Variants in XRN1 observed in about 807,000 individuals in gnomAD.
The protein encoded by XRN1 is strand-exchange protein 1 homolog.
In XRN1, 67 loss-of-function variants were observed where a neutral mutation model predicts 222.3. The ratio of observed to expected loss-of-function variants is 0.30; its 90% CI spans 0.25 to 0.37. The LOEUF (loss-of-function observed/expected upper bound fraction) is 0.37, where lower values mean the gene tolerates loss of function less well. XRN1 is among the 10% of genes least tolerant of loss of function. The probability of loss-of-function intolerance (pLI) is 1.00; values close to 1 mark genes in which losing one functional copy is unlikely to be tolerated. For missense variants in XRN1, 1,707 were observed against 2,000.2 expected (o/e 0.85, Z 2.80); for synonymous variants, 643 against 652.4 (o/e 0.99, Z 0.22).
Position 142,418,530 on chromosome 3 carries a change from C to T in XRN1, c.1320G>A (p.Thr440=), listed in dbSNP as rs763727624. 8.1e-6 allele frequency: 13 copies of T among 1,611,370 alleles called. No individual in the cohort carries two copies. The highest frequency in any genetic ancestry group is 6.7e-5 in the Admixed American group (4 of 59,572). The change falls in exon 12 of 41, where the codon ACG becomes ACA. Residue 440 remains threonine (T), a synonymous_variant. Transcript: ENST00000392981. ...CAGATACTACGTCAACCCCCATCTT[C>T]GTCATGTAATATGTTCTTTTATATT... is the stretch of plus-strand genomic sequence containing the variant. ...FRQYKRTYYM[T]KMGVDVVSDD... is the part of the protein sequence containing the mutation.
At chr3:142,351,445 G>T (rs2066302782) in intron 32 of XRN1, among the ~76,000 whole-genome samples, 1 of 152,154 alleles carries the variant, frequency 6.6e-6, no homozygotes, top group South Asian at 2.1e-4. Context: ...GCACACAAAG[G>T]TCATTGGGAA....
At chr3:142,335,114 T>C (rs1157645004) in intron 34 of XRN1, among the ~76,000 whole-genome samples, 1 of 152,040 alleles carries the variant, frequency 6.6e-6, no homozygotes, top group Admixed American at 6.6e-5. Context: ...GTGCTAGGAT[T>C]ACAGGCATGA....
At chr3:142,333,610 C>T (rs558101761) in intron 34 of XRN1, among the ~76,000 whole-genome samples, 4 of 152,168 alleles carry the variant, frequency 2.6e-5, no homozygotes, top group South Asian at 2.1e-4. Context: ...TTTGTATTCC[C>T]CCAAAATTCT....
At chr3:142,400,786 G>A (rs971613859) in intron 18 of XRN1, among the ~76,000 whole-genome samples, 4 of 152,084 alleles carry the variant, frequency 2.6e-5, no homozygotes, top group African/African-American at 9.7e-5. Context: ...AGGTGTGGTG[G>A]CACACGCAGT....
chr3:142,398,485 G>C (rs1316411650), intron 19 of XRN1, among the ~76,000 whole-genome samples: 1 of 151,658 alleles, frequency 6.6e-6, no homozygotes, highest in Admixed American at 6.6e-5. Flanking sequence ...TCCTGCCTCA[G>C]TCTCTTGAGA....
intron 20 of XRN1, among the ~76,000 whole-genome samples, chr3:142,387,654 A>G (rs1486064535): frequency 2.0e-5 from 3 of 152,164 alleles, no homozygotes; most frequent in Non-Finnish European, 4.4e-5. Flanking sequence ...AAAAATGTAT[A>G]TATCTACTAT....
intron 30 of XRN1, among the ~76,000 whole-genome samples, chr3:142,358,126 G>C (rs77885274): frequency 6.6e-6 from 1 of 152,248 alleles, no homozygotes; most frequent in African/African-American, 2.4e-5. Flanking sequence ...AAGCTCAGGA[G>C]CATGGAACCA....
At chr3:142,439,933 A>G (rs2070120701) in intron 1 of XRN1, among the ~76,000 whole-genome samples, 1 of 152,176 alleles carries the variant, frequency 6.6e-6, no homozygotes, top group African/African-American at 2.4e-5. Context: ...CATGCCCCTT[A>G]TGTCAAGGGA....
chr3:142,372,570 T>C (rs1296580313), intron 25 of XRN1, among the ~76,000 whole-genome samples: 1 of 152,200 alleles, frequency 6.6e-6, no homozygotes, highest in Non-Finnish European at 1.5e-5. Context: ...CCTTATAGAT[T>C]GGGCATTGAT....
intron 20 of XRN1, among the ~76,000 whole-genome samples, chr3:142,387,206 G>A (rs1041824436): frequency 1.3e-5 from 2 of 152,108 alleles, no homozygotes; most frequent in East Asian, 1.9e-4. Flanking sequence ...AAAGAAATCA[G>A]GCTCAAGAAG....
rs2065748037 is a variant in XRN1, at chr3:142,333,069, G to A, written c.3960C>T (p.Asn1320=). The stretch of plus-strand genomic sequence containing the variant: ...TGGAGATATTCAAAGATGCTAAAAA[G>A]TTCTCAATTCCAGAGTTAGGCTAAA... ...SNKQPNSGIE[N]FLASLNISKE... is the part of the protein sequence containing the mutation. The change falls in exon 35 of 41, where the codon AAC becomes AAT. Residue 1320 remains asparagine (N), a synonymous_variant. Coordinates refer to ENST00000392981, the MANE Select transcript of XRN1 (RefSeq NM_001282857.2). 1 of 1,612,290 alleles carries A rather than the reference G, an allele frequency of 6.2e-7. No homozygotes were observed. Among genetic ancestry groups the A allele is most frequent in the Admixed American group, 1.7e-5 (1 of 59,844 alleles).
intron 37 of XRN1, among the ~76,000 whole-genome samples, chr3:142,322,629 C>T (rs1013913804): frequency 2.0e-5 from 3 of 151,800 alleles, no homozygotes; most frequent in Admixed American, 6.6e-5. Context: ...GCAGTGAGCT[C>T]GTGCCACCGC....
chr3:142,422,465 T>C, intron 8 of XRN1, 117 bp downstream of exon 8: 5 of 1,098,170 alleles, frequency 4.6e-6, no homozygotes, highest in Non-Finnish European at 6.6e-6. Flanking sequence ...CCAAAATAAA[T>C]CCTCAATGTT....
intron 1 of XRN1, among the ~76,000 whole-genome samples, chr3:142,442,068 C>G (rs762219379): frequency 6.6e-6 from 1 of 152,076 alleles, no homozygotes; most frequent in Non-Finnish European, 1.5e-5. Flanking sequence ...GCTCAGCTGG[C>G]AAAACTAATA....
intron 20 of XRN1, among the ~76,000 whole-genome samples, chr3:142,392,997 A>C (rs1474090497): frequency 6.6e-6 from 1 of 151,096 alleles, no homozygotes; most frequent in African/African-American, 2.4e-5. Context: ...TTGTTTCCTG[A>C]CTTTTTAATG....
Position 142,397,372 on chromosome 3 carries a change from C to A in XRN1, c.2296G>T (p.Glu766Ter). 6.2e-7 allele frequency: 1 copy of A among 1,605,710 alleles called. No individual in the cohort carries two copies. The part of the protein sequence containing the change: ...PSKVVHLGDK[E>*]QSNWAKEVQG... ...ACTTCTTTTGCCCAGTTAGATTGTT[C>A]TTTATCTCCAAGATGAACCACTTTA... The change falls in exon 20 of 41, where the codon GAA becomes TAA. Residue 766 changes from glutamate (E) to a stop codon, truncating the protein, a stop_gained. Coordinates refer to ENST00000392981, the MANE Select transcript of XRN1 (RefSeq NM_001282857.2). LOFTEE classifies it high-confidence loss of function.
chr3:142,370,579 T>A lies in XRN1; in HGVS notation c.3110A>T (p.His1037Leu). The A allele has an allele frequency of 6.2e-7, 1 of 1,601,354 alleles. No individual in the cohort carries two copies. Among genetic ancestry groups the A allele is most frequent in the Non-Finnish European group, 8.5e-7 (1 of 1,175,792 alleles). Residue 1037 changes from histidine (H) to leucine (L), a missense_variant, in exon 27 of 41, where the codon CAT becomes CTT. Around this residue, in one of 2 missense-constraint regions of XRN1, gnomAD observed 1,234 missense variants for 1,518.2 expected, o/e 0.81. Transcript: ENST00000392981. ...VQEIITWLKG[H>L]PVSTLSRSSC... ...AGAACGAGATAAAGTACTGACAGGA[T>A]GTCCTTTTAGCCAAGTAATAATTTC... is the stretch of plus-strand genomic sequence containing the variant.
chr3:142,362,710 T>C (rs1223939747), intron 29 of XRN1, among the ~76,000 whole-genome samples: 1 of 150,754 alleles, frequency 6.6e-6, no homozygotes, highest in Non-Finnish European at 1.5e-5. Flanking sequence ...CTTCTTTTCT[T>C]TCTTTCTTCC....
At chr3:142,420,917 G>T in intron 10 of XRN1, 99 bp downstream of exon 10, 1 of 1,492,044 alleles carries the variant, frequency 6.7e-7, no homozygotes, top group East Asian at 2.3e-5. Flanking sequence ...GAAATAAAAC[G>T]AGGCAATCCC....
Sources: allele counts gnomAD v4.1 joint callset (sites outside exome capture counted in the v4.1 genomes callset), GRCh38; gene constraint gnomAD v4.1.1; regional missense constraint gnomAD v4.1.1; transcripts MANE v1.5; gene names NCBI Gene and HGNC (gene_info 2026-07-23, HGNC 2026-07-21).